The following EIF4G3 variants were observed in gnomAD, a reference collection of about 807,000 sequenced individuals.
EIF4G3 encodes eIF-4-gamma 3.
A neutral mutation model predicts 186.4 loss-of-function variants in EIF4G3; 34 were observed. That is an observed-to-expected ratio of 0.18 (90% confidence interval 0.14 to 0.24). EIF4G3 has a LOEUF of 0.24. Ranked by LOEUF, EIF4G3 falls within the 10% of genes least tolerant of loss-of-function variation. The pLI is 1.00. For missense variants in EIF4G3, 1,536 were observed against 1,948.5 expected (o/e 0.79, Z 3.99); for synonymous variants, 673 against 679.5 (o/e 0.99, Z 0.15).
chr1:21,081,509 G>A (rs1483869993), intron 3 of EIF4G3, among the ~76,000 whole-genome samples: 1 of 151,962 alleles, frequency 6.6e-6, no homozygotes, highest in Non-Finnish European at 1.5e-5. Context: ...AAGGAATAAT[G>A]ACATAAGCTT....
At chr1:20,954,779 T>A (rs1305236618) in intron 12 of EIF4G3, among the ~76,000 whole-genome samples, 1 of 152,168 alleles carries the variant, frequency 6.6e-6, no homozygotes, top group Admixed American at 6.6e-5. Flanking sequence ...AGGAAACATA[T>A]GGTATAGACC....
chr1:20,882,195 ACACACAC>A, intron 19 of EIF4G3, among the ~76,000 whole-genome samples: 2 of 151,774 alleles, frequency 1.3e-5, no homozygotes, highest in African/African-American at 4.8e-5. Context: ...ACACACACAC[ACACACAC>A]ACACACACAC....
chr1:20,947,399 C>A (rs781068313), intron 13 of EIF4G3, among the ~76,000 whole-genome samples: 14 of 150,854 alleles, frequency 9.3e-5, no homozygotes, highest in Non-Finnish European at 1.8e-4. Context: ...AAACCATTTT[C>A]TCTGAAAAAA....
intron 4 of EIF4G3, among the ~76,000 whole-genome samples, chr1:21,045,601 C>A (rs2093835770): frequency 6.6e-6 from 1 of 152,126 alleles, no homozygotes; most frequent in Non-Finnish European, 1.5e-5. Context: ...GAAGTCTAGA[C>A]AATGATGCCA....
At chr1:21,070,074 G>A (rs1026116154) in intron 3 of EIF4G3, among the ~76,000 whole-genome samples, 5 of 151,998 alleles carry the variant, frequency 3.3e-5, no homozygotes, top group African/African-American at 9.7e-5. Context: ...GACCACAAAG[G>A]AAAACGGCAA....
chr1:20,975,204 C>A (rs552000714), intron 10 of EIF4G3, among the ~76,000 whole-genome samples: 1 of 152,180 alleles, frequency 6.6e-6, no homozygotes, highest in East Asian at 1.9e-4. Context: ...CAAAGCAGAA[C>A]TCAAATTAGC....
chr1:21,147,193 C>T (rs573663603), intron 2 of EIF4G3, among the ~76,000 whole-genome samples: 4 of 150,384 alleles, frequency 2.7e-5, no homozygotes. Flanking sequence ...ACCCGGGAGG[C>T]GGAGGTTGCA....
chr1:21,076,256 A>C (rs1026540088), intron 3 of EIF4G3, among the ~76,000 whole-genome samples: 3 of 152,214 alleles, frequency 2.0e-5, no homozygotes, highest in Non-Finnish European at 2.9e-5. Context: ...ACAATGGATC[A>C]ATGAAGAAAT....
intron 3 of EIF4G3, among the ~76,000 whole-genome samples, chr1:21,059,720 CA>C (rs1250419151): frequency 6.6e-6 from 1 of 152,176 alleles, no homozygotes; most frequent in African/African-American, 2.4e-5. Context: ...CAAGCAAACA[CA>C]TACCATGTAT....
At chr1:21,143,988 A>G (rs2097389782) in intron 2 of EIF4G3, among the ~76,000 whole-genome samples, 1 of 151,994 alleles carries the variant, frequency 6.6e-6, no homozygotes, top group South Asian at 2.1e-4. Flanking sequence ...CTGGTTTCCA[A>G]CTCCTGGTCT....
At chr1:20,809,674 A>G (rs1318521160) in intron 36 of EIF4G3, among the ~76,000 whole-genome samples, 3 of 152,226 alleles carry the variant, frequency 2.0e-5, no homozygotes, top group Non-Finnish European at 4.4e-5. Context: ...AAGATTCTAG[A>G]GTATCATCCT....
chr1:20,965,432 A>G (rs1558471384), intron 12 of EIF4G3, among the ~76,000 whole-genome samples: 2 of 152,206 alleles, frequency 1.3e-5, no homozygotes, highest in Non-Finnish European at 2.9e-5. Flanking sequence ...CATTAACAAT[A>G]GCATTGCCAT....
intron 4 of EIF4G3, among the ~76,000 whole-genome samples, chr1:21,024,771 T>G (rs542267390): frequency 9.7e-4 from 145 of 149,466 alleles, no homozygotes; most frequent in African/African-American, 3.5e-3. Flanking sequence ...CGCAGGGTCC[T>G]CTGCCTAGGA....
chr1:20,875,454 G>T (rs980567753), intron 20 of EIF4G3, among the ~76,000 whole-genome samples: 1 of 152,220 alleles, frequency 6.6e-6, no homozygotes, highest in Non-Finnish European at 1.5e-5. Context: ...CTGTTTAACA[G>T]TAATTTTGTG....
intron 18 of EIF4G3, chr1:20,892,712 G>C (rs900267820): frequency 1.8e-5 from 28 of 1,534,800 alleles, no homozygotes; most frequent in Non-Finnish European, 2.4e-5. Flanking sequence ...ATCCATGCCT[G>C]CTCTGCACTT....
At chr1:20,947,913 A>G (rs2096039806) in intron 13 of EIF4G3, among the ~76,000 whole-genome samples, 1 of 152,224 alleles carries the variant, frequency 6.6e-6, no homozygotes, top group South Asian at 2.1e-4. Context: ...GGGCCTAAAT[A>G]TGACAAAATG....
chr1:21,029,630 T>C (rs531225977), intron 4 of EIF4G3, among the ~76,000 whole-genome samples: 1 of 152,180 alleles, frequency 6.6e-6, no homozygotes, highest in Non-Finnish European at 1.5e-5. Flanking sequence ...AGTTTGATTT[T>C]TTTAAAACAA....
chr1:20,917,116 AGACAAATTGT>A (rs2093963880), intron 14 of EIF4G3, among the ~76,000 whole-genome samples: 2 of 152,186 alleles, frequency 1.3e-5, no homozygotes, highest in Non-Finnish European at 2.9e-5. Flanking sequence ...GTTAACAAAC[AGACAAATTGT>A]GGCAAATCCA....
chr1:20,922,495 C>T (rs1462170972), intron 14 of EIF4G3, among the ~76,000 whole-genome samples: 1 of 152,134 alleles, frequency 6.6e-6, no homozygotes, highest in Admixed American at 6.6e-5. Context: ...TGGGGTTTCT[C>T]CATGTTGGTC....
Sources: allele counts gnomAD v4.1 joint callset (sites outside exome capture counted in the v4.1 genomes callset), GRCh38; gene constraint gnomAD v4.1.1; transcripts MANE v1.5; gene names NCBI Gene and HGNC (gene_info 2026-07-23, HGNC 2026-07-21).